The following EBF1 variants were observed in gnomAD, a reference collection of about 807,000 sequenced individuals.
EBF1 encodes EBF transcription factor 1, also known as transcription factor COE1.
EBF1 carries 10 observed loss-of-function variants against 68.4 expected under a neutral mutation model. The ratio of observed to expected loss-of-function variants is 0.15; its 90% CI spans 0.09 to 0.25. EBF1 has a LOEUF of 0.25. Among genes scored for constraint, EBF1 ranks in the 10% least tolerant of loss-of-function variants. The pLI is 1.00. For synonymous variants in EBF1, 298 were observed against 299.8 expected (o/e 0.99, Z 0.06); for missense variants, 509 against 794.4 (o/e 0.64, Z 4.32).
chr5:159,024,310 G>T (rs1468193542), intron 6 of EBF1, among the ~76,000 whole-genome samples: 1 of 152,204 alleles, frequency 6.6e-6, no homozygotes, highest in African/African-American at 2.4e-5. Flanking sequence ...CAGTTGACAA[G>T]CTAGGACTAT....
chr5:158,810,181 C>A (rs1173812060), intron 8 of EBF1, among the ~76,000 whole-genome samples: 1 of 152,142 alleles, frequency 6.6e-6, no homozygotes, highest in Non-Finnish European at 1.5e-5. Flanking sequence ...ATATTTTCTT[C>A]CTCTATCAAG....
intron 4 of EBF1, among the ~76,000 whole-genome samples, chr5:159,087,335 T>TAC (rs1413277088): frequency 1.4e-5 from 2 of 139,154 alleles, no homozygotes; most frequent in African/African-American, 5.6e-5. Context: ...CATATATATA[T>TAC]ACACACACAT....
At chr5:158,867,650 T>TCTC (rs10650805) in intron 6 of EBF1, among the ~76,000 whole-genome samples, 89,835 of 151,556 alleles carry the variant, frequency 0.59, 27,091 homozygotes, top group South Asian at 0.79. Flanking sequence ...GGCAGACAAT[T>TCTC]CTCACCTGCC....
chr5:158,745,461 C>G (rs115439992), intron 10 of EBF1, among the ~76,000 whole-genome samples: 3 of 152,110 alleles, frequency 2.0e-5, no homozygotes, highest in Admixed American at 2.0e-4. Context: ...AAGGTTTGAA[C>G]CCACCCACCT....
At chr5:159,090,242 T>TA (rs11373419) in intron 4 of EBF1, among the ~76,000 whole-genome samples, 60,666 of 125,914 alleles carry the variant, frequency 0.48, 14,211 homozygotes, top group South Asian at 0.62. Context: ...TGTTTGTCAT[T>TA]AAAAAAAAAA....
chr5:158,813,118 TTACACTA>T lies in EBF1; in HGVS notation c.778+10051_778+10057del, dbSNP rs1252404349. On this transcript the variant is annotated intron_variant, in intron 8 of 15. Coordinates refer to ENST00000313708, the MANE Select transcript of EBF1 (RefSeq NM_024007.5). ...TGATTTTCCTCTATCCCTGTACCAC[TTACACTA>T]TTATTTACTTAATAGTATTTAGCTG... Among the ~76,000 whole-genome samples, 3 of 152,290 alleles carry T rather than the reference TTACACTA, an allele frequency of 2.0e-5. No homozygotes were observed. In the East Asian group the frequency reaches 5.8e-4, roughly 29 times the overall value.
intron 6 of EBF1, among the ~76,000 whole-genome samples, chr5:159,027,593 A>C (rs1195990667): frequency 6.6e-6 from 1 of 152,206 alleles, no homozygotes; most frequent in Non-Finnish European, 1.5e-5. Flanking sequence ...TAGATATTCT[A>C]ATTCTGGCTG....
chr5:158,735,374 C>G (rs1012801287), intron 10 of EBF1, among the ~76,000 whole-genome samples: 1 of 152,194 alleles, frequency 6.6e-6, no homozygotes, highest in African/African-American at 2.4e-5. Context: ...TGAATTCAAG[C>G]TGTCTTCCAC....
chr5:158,922,191 C>G (rs1404459753), intron 6 of EBF1, among the ~76,000 whole-genome samples: 3 of 152,210 alleles, frequency 2.0e-5, no homozygotes, highest in Admixed American at 6.5e-5. Context: ...TTGATTCATA[C>G]CTTCTTCCCA....
chr5:158,968,254 C>G (rs1403593229), intron 6 of EBF1, among the ~76,000 whole-genome samples: 1 of 152,110 alleles, frequency 6.6e-6, no homozygotes, highest in Non-Finnish European at 1.5e-5. Flanking sequence ...AGATAAAGCT[C>G]TCAAAAGGTA....
chr5:159,015,870 T>C (rs1033363023), intron 6 of EBF1, among the ~76,000 whole-genome samples: 1 of 152,178 alleles, frequency 6.6e-6, no homozygotes. Flanking sequence ...TAGTCAAAAC[T>C]ACCCTTGAAA....
At chr5:159,075,168 C>T (rs914829894) in intron 5 of EBF1, among the ~76,000 whole-genome samples, 9 of 152,116 alleles carry the variant, frequency 5.9e-5, no homozygotes, top group African/African-American at 2.2e-4. Context: ...GGAGCAATTG[C>T]AGTATCTACC....
At chr5:159,055,340 A>G (rs567611398) in intron 6 of EBF1, among the ~76,000 whole-genome samples, 8 of 152,350 alleles carry the variant, frequency 5.3e-5, no homozygotes. Flanking sequence ...CGTTCTATAA[A>G]TAAGAAAGCT....
At chr5:158,951,983 A>T (rs2127504307) in intron 6 of EBF1, among the ~76,000 whole-genome samples, 1 of 152,304 alleles carries the variant, frequency 6.6e-6, no homozygotes, top group African/African-American at 2.4e-5. Context: ...GCAGAAACAA[A>T]TGAAGTCGAC....
chr5:158,770,683 C>T (rs897624667), intron 10 of EBF1, among the ~76,000 whole-genome samples: 9 of 152,216 alleles, frequency 5.9e-5, no homozygotes, highest in African/African-American at 1.7e-4. Flanking sequence ...GCTCCCTCTG[C>T]TGGAAGGCTC....
intron 6 of EBF1, among the ~76,000 whole-genome samples, chr5:158,863,721 A>G (rs1251057100): frequency 6.6e-6 from 1 of 152,186 alleles, no homozygotes; most frequent in Non-Finnish European, 1.5e-5. Context: ...GTGTGACCAT[A>G]ATCTTGATTT....
chr5:158,971,059 C>T (rs887507526), intron 6 of EBF1, among the ~76,000 whole-genome samples: 6 of 152,126 alleles, frequency 3.9e-5, no homozygotes, highest in Admixed American at 3.9e-4. Context: ...GGGGCAATAC[C>T]GGGTAACCTA....
At chr5:158,997,776 C>A (rs1442545129) in intron 6 of EBF1, among the ~76,000 whole-genome samples, 1 of 152,210 alleles carries the variant, frequency 6.6e-6, no homozygotes, top group South Asian at 2.1e-4. Context: ...GCCTCCCAGA[C>A]ACAGGCCTTT....
In EBF1 at chr5:158,845,339, T is replaced by C. The variant is rs543830831; in HGVS notation, c.555-5229A>G. 2.9e-4 allele frequency among the ~76,000 whole-genome samples: 44 copies of C among 152,326 alleles called. No homozygotes were observed. The South Asian group carries it at 8.9e-3, about 31-fold the overall frequency. On this transcript the variant is annotated intron_variant, in intron 6 of 15. Transcript: ENST00000313708. ...CTCTCTCCTAGGATCACTGTGCAGC[T>C]TTCACCGTAATTTTAGCTTTACTCC...
Sources: allele counts gnomAD v4.1 joint callset (sites outside exome capture counted in the v4.1 genomes callset), GRCh38; gene constraint gnomAD v4.1.1; transcripts MANE v1.5; gene names NCBI Gene and HGNC (gene_info 2026-07-23, HGNC 2026-07-21).